The following EMILIN2 variants were observed in gnomAD, a reference collection of about 807,000 sequenced individuals.
The protein encoded by EMILIN2 is EMILIN-2.
In EMILIN2, 71 loss-of-function variants were observed where a neutral mutation model predicts 87.1. The ratio of observed to expected loss-of-function variants is 0.82; its 90% CI spans 0.67 to 0.99. The LOEUF (loss-of-function observed/expected upper bound fraction) is 0.99, where lower values mean the gene tolerates loss of function less well. EMILIN2 is among the 50% of genes least tolerant of loss of function. EMILIN2 has a pLI of 0.00. For synonymous variants in EMILIN2, 581 were observed against 563.4 expected (o/e 1.03, Z -0.44); for missense variants, 1,407 against 1,371.8 (o/e 1.03, Z -0.40).
In EMILIN2 at chr18:2,870,642, C is replaced by T. The variant is rs117686373; in HGVS notation, c.258-14322C>T. Among the ~76,000 whole-genome samples, 1,066 of 152,348 alleles carry T rather than the reference C, an allele frequency of 7.0e-3. 3 individuals carry two copies. Among genetic ancestry groups the T allele is most frequent in the Non-Finnish European group, 9.7e-3 (661 of 68,036 alleles). On this transcript the variant is annotated intron_variant, in intron 2 of 7. Coordinates refer to ENST00000254528, the MANE Select transcript of EMILIN2 (RefSeq NM_032048.3). ...TTTCCAGCCAGGAGGAATCCGAGAACTTGTTTGCAAGTGGTGACGTCTTAT... is the reference window on the plus strand; with the variant it reads ...TTTCCAGCCAGGAGGAATCCGAGAATTTGTTTGCAAGTGGTGACGTCTTAT...
rs1782298257 is a variant in EMILIN2, at chr18:2,890,394, C to A, written c.434-167C>A. On this transcript the variant is annotated intron_variant, in intron 3 of 7. Coordinates refer to ENST00000254528, the MANE Select transcript of EMILIN2 (RefSeq NM_032048.3). This position sits in a 1 kb window ranked among gnomAD's most constrained non-coding sequence, Gnocchi z 4.7. The stretch of plus-strand genomic sequence containing the variant: ...ATGCAAGTAGAGGTCTATTTGACTA[C>A]AAAGCCCATACTCTTTTCTACTGTA... Among the ~76,000 whole-genome samples, 1 of 152,196 alleles carries A rather than the reference C, an allele frequency of 6.6e-6. No homozygotes were observed. The highest frequency in any genetic ancestry group is 1.5e-5 in the Non-Finnish European group (1 of 68,046).
chr18:2,892,788 A>C (rs1292424457), intron 4 of EMILIN2, among the ~76,000 whole-genome samples: 1 of 150,836 alleles, frequency 6.6e-6, no homozygotes, highest in African/African-American at 2.4e-5. Flanking sequence ...GCAGTGGCTC[A>C]TGCCTGTAAT....
chr18:2,858,219 A>C (rs534585435), intron 2 of EMILIN2, among the ~76,000 whole-genome samples: 1 of 151,146 alleles, frequency 6.6e-6, no homozygotes, highest in East Asian at 1.9e-4. Flanking sequence ...TACATGAGTA[A>C]ATTCTTTAGT....
intron 4 of EMILIN2, among the ~76,000 whole-genome samples, chr18:2,900,441 GCCT>G (rs1302280788): frequency 6.6e-6 from 1 of 152,198 alleles, no homozygotes; most frequent in Non-Finnish European, 1.5e-5. Context: ...TCCCACTGCA[GCCT>G]CCTAATGTAC....
In EMILIN2 at chr18:2,847,019, G is replaced by T; in HGVS notation, c.-170G>T. 1.9e-6 allele frequency: 2 copies of T among 1,049,670 alleles called. No individual in the cohort carries two copies. Among genetic ancestry groups the T allele is most frequent in the African/African-American group, 1.7e-5 (1 of 58,042 alleles). 65.0% of individuals were successfully genotyped at this position (1,049,670 alleles called of 1,614,324 possible). A position where few individuals can be genotyped will look rare whatever the true frequency, so the allele number is the denominator to read the frequency against. ...GCACGGGGCTGCAGAAGGAGAAGTA[G>T]GAACGAGAAGCCGGAGGGGGCGGCC... On this transcript the variant is annotated 5_prime_UTR_variant, in exon 1 of 8. It adds an upstream start codon to the 5' untranslated region. Transcript: ENST00000254528. This position sits in a 1 kb window ranked among gnomAD's most constrained non-coding sequence, Gnocchi z 4.5.
intron 2 of EMILIN2, among the ~76,000 whole-genome samples, chr18:2,860,722 G>T (rs1478226799): frequency 6.6e-6 from 1 of 152,194 alleles, no homozygotes; most frequent in Non-Finnish European, 1.5e-5. Flanking sequence ...CTTTATAGCA[G>T]CATGATTTAT....
chr18:2,851,898 A>C (rs1253412941), intron 2 of EMILIN2, among the ~76,000 whole-genome samples: 1 of 152,044 alleles, frequency 6.6e-6, no homozygotes, highest in Non-Finnish European at 1.5e-5. Flanking sequence ...TATTGTCTCC[A>C]TTTTACCAAG....
At position 2,847,464 on chromosome 18, in the gene EMILIN2, G is replaced by T. The variant is rs1283853193; in HGVS notation, c.134+142G>T. 2.0e-6 allele frequency: 2 copies of T among 1,023,900 alleles called. No individual in the cohort carries two copies. The highest frequency in any genetic ancestry group is 2.5e-6 in the Non-Finnish European group (2 of 788,390). 63.4% of individuals were successfully genotyped at this position (1,023,900 alleles called of 1,614,324 possible). A position where few individuals can be genotyped will look rare whatever the true frequency, so the allele number is the denominator to read the frequency against. ...TCCCCGGGCGGCTCCCTCTGCGGGG[G>T]ACCGCGCGCTCCGCAGCCGGCGCCT... On this transcript the variant is annotated intron_variant, in intron 1 of 7. Coordinates refer to ENST00000254528, the MANE Select transcript of EMILIN2 (RefSeq NM_032048.3). This position sits in a 1 kb window ranked among gnomAD's most constrained non-coding sequence, Gnocchi z 4.5.
rs1362393511 is a variant in EMILIN2 at position 2,847,932 on chromosome 18, G to A, written c.257+1G>A. Reference sequence around the variant, plus strand: ...AGATGCCCTGTCCGTCGGCGCTGGTGTAAGTCCTGGAGCCGGGGAGCGGGC... The same window carrying A: ...AGATGCCCTGTCCGTCGGCGCTGGTATAAGTCCTGGAGCCGGGGAGCGGGC... On this transcript the variant is annotated splice_donor_variant, in intron 2 of 7. Coordinates refer to ENST00000254528, the MANE Select transcript of EMILIN2 (RefSeq NM_032048.3). LOFTEE classifies it high-confidence loss of function. This position sits in a 1 kb window ranked among gnomAD's most constrained non-coding sequence, Gnocchi z 4.5. 6.3e-7 allele frequency: 1 copy of A among 1,577,740 alleles called. No homozygotes were observed. The highest frequency in any genetic ancestry group is 1.3e-5 in the African/African-American group (1 of 74,154).
At chr18:2,904,247 T>A (rs907138857) in intron 4 of EMILIN2, among the ~76,000 whole-genome samples, 3 of 152,242 alleles carry the variant, frequency 2.0e-5, no homozygotes, top group African/African-American at 7.2e-5. Flanking sequence ...GTTTGTAATA[T>A]CTCCTTTTTA....
chr18:2,905,046 CTCTG>C (rs1309550821), intron 4 of EMILIN2, among the ~76,000 whole-genome samples: 1 of 152,156 alleles, frequency 6.6e-6, no homozygotes, highest in African/African-American at 2.4e-5. Context: ...GCCTCAGTTT[CTCTG>C]TCTAACCCAG....
intron 6 of EMILIN2, among the ~76,000 whole-genome samples, chr18:2,909,418 A>C (rs2076930464): frequency 6.6e-6 from 1 of 152,194 alleles, no homozygotes; most frequent in African/African-American, 2.4e-5. Flanking sequence ...ACGCACATAC[A>C]CATGCTCATC....
chr18:2,912,445 A>G (rs1392507243), intron 7 of EMILIN2, among the ~76,000 whole-genome samples: 2 of 152,154 alleles, frequency 1.3e-5, no homozygotes, highest in Non-Finnish European at 2.9e-5. Flanking sequence ...AGTGATGGCC[A>G]TTCCTGCCGG....
At chr18:2,862,686 T>C (rs59363644) in intron 2 of EMILIN2, among the ~76,000 whole-genome samples, 17,386 of 152,148 alleles carry the variant, frequency 0.11, 3,337 homozygotes, top group African/African-American at 0.39. Flanking sequence ...ATTCTCTTTT[T>C]TTTGTTGTGT....
intron 2 of EMILIN2, among the ~76,000 whole-genome samples, chr18:2,861,774 T>G (rs1320364528): frequency 6.6e-6 from 1 of 152,212 alleles, no homozygotes; most frequent in East Asian, 1.9e-4. Context: ...GTGAAGAAAG[T>G]CATTGGTAGC....
At chr18:2,869,995 C>A (rs1461458783) in intron 2 of EMILIN2, among the ~76,000 whole-genome samples, 1 of 152,056 alleles carries the variant, frequency 6.6e-6, no homozygotes, top group Non-Finnish European at 1.5e-5. Flanking sequence ...TAACACGACA[C>A]TTTGGGAGGC....
At chr18:2,909,625 T>C (rs944254267) in intron 6 of EMILIN2, 66 bp from the exon 7 acceptor site, 3 of 1,578,638 alleles carry the variant, frequency 1.9e-6, no homozygotes, top group East Asian at 2.3e-5. Context: ...GCCTCAGTTT[T>C]CCAGGCCCTC....
Position 2,913,136 on chromosome 18 carries a change from A to ACGTGGAAGCAGTGCTGT in EMILIN2, c.2897_2913dup (p.Val972TrpfsTer49). ...ACCCTCACCCCCGAGAGAGACGCCT[A>ACGTGGAAGCAGTGCTGT]CGTGGAAGCAGTGCTGTCGGTCTCC... On this transcript the variant is annotated frameshift_variant, in exon 8 of 8. Coordinates refer to ENST00000254528, the MANE Select transcript of EMILIN2 (RefSeq NM_032048.3). LOFTEE classifies it high-confidence loss of function. 1 of 1,613,734 alleles carries ACGTGGAAGCAGTGCTGT rather than the reference A, an allele frequency of 6.2e-7. No individual in the cohort carries two copies. The highest frequency in any genetic ancestry group is 8.5e-7 in the Non-Finnish European group (1 of 1,179,996).
rs1192644577 is a variant in EMILIN2, at chr18:2,914,333, C to T, written c.*929C>T. 6.6e-6 allele frequency: 1 copy of T among 152,326 alleles called. No homozygotes were observed. The highest frequency in any genetic ancestry group is 1.5e-5 in the Non-Finnish European group (1 of 68,046). The allele number at this position is 152,326 out of a possible 1,614,324, so 9.4% of individuals were successfully genotyped here. On this transcript the variant is annotated 3_prime_UTR_variant, in exon 8 of 8. Coordinates refer to ENST00000254528, the MANE Select transcript of EMILIN2 (RefSeq NM_032048.3). Reference sequence around the variant, plus strand: ...TGGAGCGGCTCCTCTGGGGATGCTGCACTCAGATCCCACAGCAGCTGCCCA... The same window carrying T: ...TGGAGCGGCTCCTCTGGGGATGCTGTACTCAGATCCCACAGCAGCTGCCCA...
Sources: allele counts gnomAD v4.1 joint callset (sites outside exome capture counted in the v4.1 genomes callset), GRCh38; gene constraint gnomAD v4.1.1; non-coding constraint Gnocchi (gnomAD v3.1); transcripts MANE v1.5; gene names NCBI Gene and HGNC (gene_info 2026-07-23, HGNC 2026-07-21).